NCAM2: variants seen among roughly 807,000 people sequenced by gnomAD.
NCAM2 encodes N-CAM-2.
In NCAM2, 30 loss-of-function variants were observed where a neutral mutation model predicts 98.1. That is an observed-to-expected ratio of 0.31 (90% CI 0.23 to 0.41). The LOEUF (loss-of-function observed/expected upper bound fraction) is 0.41, where lower values mean the gene tolerates loss of function less well. Among genes scored for constraint, NCAM2 ranks in the 10% least tolerant of loss-of-function variants. The probability of loss-of-function intolerance (pLI) is 1.00; values close to 1 mark genes in which losing one functional copy is unlikely to be tolerated. For missense variants in NCAM2, 867 were observed against 1,005.8 expected, an observed-to-expected ratio of 0.86 and a Z score of 1.87; for synonymous variants, 368 against 342.4, an observed-to-expected ratio of 1.07 and a Z score of -0.83.
chr21:21,079,578 C>CT (rs1298037322), intron 1 of NCAM2, among the ~76,000 whole-genome samples: 1 of 150,864 alleles, frequency 6.6e-6, no homozygotes, highest in South Asian at 2.1e-4. Flanking sequence ...CTCTTGCCCC[C>CT]TTTTTTTTTA....
At chr21:21,499,379 C>T (rs1324862273) in intron 15 of NCAM2, among the ~76,000 whole-genome samples, 10 of 152,054 alleles carry the variant, frequency 6.6e-5, no homozygotes, top group African/African-American at 2.2e-4. Context: ...GTAGCTGGGA[C>T]TACAGGCGCG....
intron 1 of NCAM2, among the ~76,000 whole-genome samples, chr21:21,188,856 T>TA (rs1436716434): frequency 6.6e-6 from 1 of 152,164 alleles, no homozygotes; most frequent in East Asian, 1.9e-4. Flanking sequence ...GAGTGGTAAT[T>TA]AAAAAATAAA....
At position 21,534,528 on chromosome 21, in the gene NCAM2, T is replaced by C; in HGVS notation, c.2283-9T>C. ...TACACAGGTGAGATGTTTCTCTTTA[T>C]GTTTCTAGGAAAGATGGATCAAAAG... On this transcript the variant is annotated splice_polypyrimidine_tract_variant and intron_variant, in intron 16 of 17. Transcript: ENST00000400546. 3 of 1,574,018 alleles carry C rather than the reference T, an allele frequency of 1.9e-6. No homozygotes were observed. The highest frequency in any genetic ancestry group is 1.4e-5 in the African/African-American group (1 of 73,228).
chr21:21,168,628 G>A (rs990466400), intron 1 of NCAM2, among the ~76,000 whole-genome samples: 1 of 152,120 alleles, frequency 6.6e-6, no homozygotes, highest in African/African-American at 2.4e-5. Flanking sequence ...AGGTTAATGT[G>A]TGTCAATTAC....
chr21:21,400,417 A>G (rs546379856), intron 9 of NCAM2, among the ~76,000 whole-genome samples: 1 of 152,236 alleles, frequency 6.6e-6, no homozygotes, highest in South Asian at 2.1e-4. Context: ...TGTTTGCAGT[A>G]TTCCTTTTCT....
intron 1 of NCAM2, among the ~76,000 whole-genome samples, chr21:21,200,071 C>T (rs1339859108): frequency 6.6e-6 from 1 of 152,068 alleles, no homozygotes; most frequent in African/African-American, 2.4e-5. Flanking sequence ...CTGTCTCTGT[C>T]TCTCTCTTTT....
intron 1 of NCAM2, among the ~76,000 whole-genome samples, chr21:21,119,443 G>T (rs148369568): frequency 3.8e-4 from 58 of 152,104 alleles, no homozygotes; most frequent in Non-Finnish European, 7.4e-4. Context: ...TAAGGTATTT[G>T]ATTTTAAAAG....
intron 1 of NCAM2, among the ~76,000 whole-genome samples, chr21:21,242,794 A>G (rs2071115417): frequency 6.6e-6 from 1 of 152,198 alleles, no homozygotes. Flanking sequence ...CAATGAATGA[A>G]TACCTTTTTG....
intron 1 of NCAM2, among the ~76,000 whole-genome samples, chr21:21,020,648 C>T (rs1489506531): frequency 6.6e-6 from 1 of 152,196 alleles, no homozygotes; most frequent in Non-Finnish European, 1.5e-5. Flanking sequence ...TCCCTCGGGA[C>T]TTGGCTGGTG....
chr21:21,481,876 G>A (rs1363617498), intron 15 of NCAM2, among the ~76,000 whole-genome samples: 1 of 152,146 alleles, frequency 6.6e-6, no homozygotes, highest in Non-Finnish European at 1.5e-5. Context: ...AGCCCAGGCC[G>A]GTGACAAGGT....
At chr21:21,387,984 T>C (rs1467932898) in intron 9 of NCAM2, among the ~76,000 whole-genome samples, 3 of 152,184 alleles carry the variant, frequency 2.0e-5, no homozygotes, top group African/African-American at 7.2e-5. Flanking sequence ...ATACGATAAT[T>C]ATCACGTTGG....
At chr21:21,153,765 A>G (rs905891503) in intron 1 of NCAM2, among the ~76,000 whole-genome samples, 1 of 151,872 alleles carries the variant, frequency 6.6e-6, no homozygotes, top group Non-Finnish European at 1.5e-5. Flanking sequence ...GCTATGATGG[A>G]AAAGTACATT....
chr21:21,310,630 T>A (rs930802906), intron 5 of NCAM2, among the ~76,000 whole-genome samples: 3 of 152,176 alleles, frequency 2.0e-5, no homozygotes, highest in Admixed American at 2.0e-4. Flanking sequence ...CAAAACACAA[T>A]GACAATTTTT....
At chr21:21,200,485 TA>T (rs2069173663) in intron 1 of NCAM2, among the ~76,000 whole-genome samples, 1 of 151,922 alleles carries the variant, frequency 6.6e-6, no homozygotes, top group Non-Finnish European at 1.5e-5. Flanking sequence ...TTTCAACGTT[TA>T]AGAAATAAAG....
chr21:21,277,714 A>G (rs2072779792), intron 1 of NCAM2, among the ~76,000 whole-genome samples: 4 of 152,124 alleles, frequency 2.6e-5, no homozygotes, highest in Admixed American at 2.6e-4. Flanking sequence ...ATCAATTTTG[A>G]AGATCTTTGA....
intron 8 of NCAM2, among the ~76,000 whole-genome samples, chr21:21,340,910 T>G (rs2075012733): frequency 6.6e-6 from 1 of 152,060 alleles, no homozygotes; most frequent in Non-Finnish European, 1.5e-5. Context: ...TTTTTTCATC[T>G]TTAAAATGTT....
chr21:21,169,873 G>A (rs1443847340), intron 1 of NCAM2, among the ~76,000 whole-genome samples: 2 of 152,054 alleles, frequency 1.3e-5, no homozygotes, highest in Non-Finnish European at 2.9e-5. Flanking sequence ...TGGGAGGATC[G>A]CTTGACCCCA....
chr21:21,038,690 C>T (rs947389331), intron 1 of NCAM2, among the ~76,000 whole-genome samples: 1 of 152,200 alleles, frequency 6.6e-6, no homozygotes, highest in African/African-American at 2.4e-5. Context: ...AGTTAAACCA[C>T]TTTCCTTTAT....
chr21:21,192,997 A>G (rs1265667260), intron 1 of NCAM2, among the ~76,000 whole-genome samples: 3 of 152,330 alleles, frequency 2.0e-5, no homozygotes, highest in African/African-American at 7.2e-5. Context: ...ACACTTACCA[A>G]TCATGGGCTA....
Sources: gnomAD v4.1 joint callset for allele counts (sites outside exome capture counted in the v4.1 genomes callset) on GRCh38, gnomAD v4.1.1 for gene constraint, MANE v1.5 for transcripts, NCBI Gene and HGNC (gene_info 2026-07-23, HGNC 2026-07-21) for gene names.